NR1I2: variants seen among roughly 807,000 people sequenced by gnomAD.
The protein encoded by NR1I2 is nuclear receptor subfamily 1 group I member 2.
NR1I2 carries 42 observed loss-of-function variants against 43.3 expected under a neutral mutation model. The ratio of observed to expected loss-of-function variants is 0.97; its 90% CI spans 0.76 to 1.26. The LOEUF is 1.26. NR1I2 is among the 50% of genes most tolerant of loss of function. NR1I2 has a pLI of 0.00. For missense variants in NR1I2, 559 were observed against 566.7 expected (o/e 0.99, Z 0.14); for synonymous variants, 229 against 215.0 (o/e 1.06, Z -0.57).
In NR1I2 at chr3:119,807,275, T is replaced by C; in HGVS notation, c.25T>C (p.Trp9Arg). 1 of 1,614,232 alleles carries C rather than the reference T, an allele frequency of 6.2e-7. No individual in the cohort carries two copies. Among genetic ancestry groups the C allele is most frequent in the Non-Finnish European group, 8.5e-7 (1 of 1,180,032 alleles). ...CCTGGAGGTGAGACCCAAAGAAAGC[T>C]GGAACCATGCTGACTTTGTACACTG... The change falls in exon 2 of 9, where the codon TGG becomes CGG. Residue 9 changes from tryptophan to arginine, a missense_variant. By Grantham distance (101) the Trp-to-Arg change is moderately radical. Around this residue, in one of 3 missense-constraint regions of NR1I2, gnomAD observed 232 missense variants for 236.6 expected, o/e 0.98. Coordinates refer to ENST00000393716, the MANE Select transcript of NR1I2 (RefSeq NM_003889.4).
intron 1 of NR1I2, among the ~76,000 whole-genome samples, chr3:119,784,252 T>C (rs1446617089): frequency 3.9e-5 from 6 of 152,246 alleles, no homozygotes; most frequent in Non-Finnish European, 7.3e-5. Context: ...ATTTTTTCCA[T>C]TGAATTAGTG....
chr3:119,812,979 G>T lies in NR1I2; in HGVS notation c.794+19G>T. 1 of 1,610,254 alleles carries T rather than the reference G, an allele frequency of 6.2e-7. No individual in the cohort carries two copies. ...ACTTCAGGTAGGACATGGAGACTGG[G>T]TGGTTGGGTGTGGAAAAGAACTGGA... On this transcript the variant is annotated intron_variant, in intron 5 of 8. Transcript: ENST00000393716.
At chr3:119,815,206 G>A (rs1236995561) in intron 6 of NR1I2, 85 bp downstream of exon 6, 4 of 1,592,214 alleles carry the variant, frequency 2.5e-6, no homozygotes, top group Non-Finnish European at 3.4e-6. Flanking sequence ...GGATATGCAG[G>A]TTCTGGGATG....
intron 2 of NR1I2, among the ~76,000 whole-genome samples, chr3:119,809,541 GGGGGGTGGGGGGAAGGC>G (rs2055207109): frequency 6.7e-6 from 1 of 148,606 alleles, no homozygotes; most frequent in Non-Finnish European, 1.5e-5. Flanking sequence ...AGAAGGCGGC[GGGGGGTGGGGGGAAGGC>G]GGGGGGGAAG....
At chr3:119,807,110 A>C (rs974917707) in intron 1 of NR1I2, 119 bp from the exon 2 acceptor site, 2 of 852,802 alleles carry the variant, frequency 2.3e-6, no homozygotes, top group Non-Finnish European at 3.9e-6. Flanking sequence ...ATGAGAGGTC[A>C]GCTCCCGAGT....
intron 1 of NR1I2, among the ~76,000 whole-genome samples, chr3:119,801,149 T>G (rs974974736): frequency 6.6e-6 from 1 of 152,246 alleles, no homozygotes; most frequent in African/African-American, 2.4e-5. Context: ...ATTCATTGAT[T>G]TATTCACTCA....
intron 1 of NR1I2, among the ~76,000 whole-genome samples, chr3:119,803,457 A>G (rs992560844): frequency 3.3e-5 from 5 of 152,072 alleles, no homozygotes; most frequent in Non-Finnish European, 5.9e-5. Flanking sequence ...GCCATAGATG[A>G]CAGGAAGCAG....
Position 119,811,577 on chromosome 3 carries a change from T to G in NR1I2, c.370T>G (p.Leu124Val), listed in dbSNP as rs796992519. 1 of 1,613,698 alleles carries G rather than the reference T, an allele frequency of 6.2e-7. No homozygotes were observed. The highest frequency in any genetic ancestry group is 1.3e-5 in the African/African-American group (1 of 75,014). ...CGAGGCCGTGGAGGAGAGGCGGGCC[T>G]TGATCAAGCGGAAGAAAAGTGAACG... The change falls in exon 4 of 9, where the codon TTG (leucine) becomes GTG (valine). Residue 124 changes from leucine (L) to valine (V), a missense_variant. Transcript: ENST00000393716.
chr3:119,793,509 C>G (rs1481702592), intron 1 of NR1I2, among the ~76,000 whole-genome samples: 2 of 152,220 alleles, frequency 1.3e-5, no homozygotes, highest in East Asian at 1.9e-4. Context: ...TTCCTCACCT[C>G]TTCCAGCTTC....
chr3:119,809,960 G>T (rs1452747552), intron 2 of NR1I2, 101 bp from the exon 3 acceptor site: 5 of 1,473,396 alleles, frequency 3.4e-6, no homozygotes, highest in Non-Finnish European at 4.7e-6. Context: ...CCCCCTCCCC[G>T]AGTCGGTAGG....
chr3:119,792,675 G>T, intron 1 of NR1I2: 1 of 514,782 alleles, frequency 1.9e-6, no homozygotes, highest in Non-Finnish European at 3.5e-6. Flanking sequence ...GGCTTAAAGT[G>T]AAGGAAATAC....
At chr3:119,811,762 G>T (rs776341085) in intron 4 of NR1I2, 36 bp downstream of exon 4, 8 of 1,557,836 alleles carry the variant, frequency 5.1e-6, no homozygotes, top group Non-Finnish European at 8.7e-7. Context: ...AGGTGTCACT[G>T]CCATCTTCAT....
chr3:119,814,839 A>G, intron 5 of NR1I2, 140 bp from the exon 6 acceptor site: 2 of 1,036,364 alleles, frequency 1.9e-6, no homozygotes, highest in East Asian at 2.6e-5. Context: ...GCCAGACAGC[A>G]GCCACAGTCA....
intron 1 of NR1I2, among the ~76,000 whole-genome samples, chr3:119,801,944 G>A (rs1394035204): frequency 6.6e-6 from 1 of 152,188 alleles, no homozygotes; most frequent in Non-Finnish European, 1.5e-5. Context: ...ACTGAGCAGG[G>A]TAGCCAGACT....
At chr3:119,797,584 A>C (rs1577274748) in intron 1 of NR1I2, among the ~76,000 whole-genome samples, 1 of 152,150 alleles carries the variant, frequency 6.6e-6, no homozygotes, top group Admixed American at 6.5e-5. Flanking sequence ...CTATATATAT[A>C]CATATCTACA....
At chr3:119,802,687 C>T (rs1448101247) in intron 1 of NR1I2, among the ~76,000 whole-genome samples, 1 of 152,170 alleles carries the variant, frequency 6.6e-6, no homozygotes, top group Non-Finnish European at 1.5e-5. Context: ...CTCTGCCTGC[C>T]TGTGATGCTC....
Position 119,792,424 on chromosome 3 carries a change from T to G in NR1I2, c.-23+10124T>G, listed in dbSNP as rs766862902. 2.8e-5 allele frequency: 34 copies of G among 1,198,660 alleles called. No homozygotes were observed. In the South Asian group the frequency reaches 4.0e-4, roughly 14 times the overall value. The allele number at this position is 1,198,660 out of a possible 1,614,324, so 74.3% of individuals were successfully genotyped here. The stretch of plus-strand genomic sequence containing the variant: ...GAGAGGGCCAGAACTCACTGGCCAC[T>G]GCAGGGGACGGCCTGATGGAGCTGT... On this transcript the variant is annotated intron_variant, in intron 1 of 8. Coordinates refer to ENST00000393716, the MANE Select transcript of NR1I2 (RefSeq NM_003889.4).
Position 119,818,107 on chromosome 3 carries a change from A to G in NR1I2, c.*895A>G. The G allele has an allele frequency of 1.0e-6, 1 of 985,650 alleles. No individual in the cohort carries two copies. The highest frequency in any genetic ancestry group is 1.2e-6 in the Non-Finnish European group (1 of 830,006). The allele number at this position is 985,650 out of a possible 1,614,324, so 61.1% of individuals were successfully genotyped here. ...GACATGAGTCTGTAGGAGCAAGGGCACAAACTGCAGCTGTGAGTGCGTGTG... is the reference window on the plus strand; with the variant it reads ...GACATGAGTCTGTAGGAGCAAGGGCGCAAACTGCAGCTGTGAGTGCGTGTG... On this transcript the variant is annotated 3_prime_UTR_variant, in exon 9 of 9. Coordinates refer to ENST00000393716, the MANE Select transcript of NR1I2 (RefSeq NM_003889.4).
At chr3:119,805,717 C>CCCAA (rs561350711) in intron 1 of NR1I2, among the ~76,000 whole-genome samples, 54 of 96,660 alleles carry the variant, frequency 5.6e-4, no homozygotes, top group Non-Finnish European at 7.1e-4. Context: ...TCCCCCCCAC[C>CCCAA]AAAAAAAAAA....
Sources: allele counts gnomAD v4.1 joint callset (sites outside exome capture counted in the v4.1 genomes callset), GRCh38; gene constraint gnomAD v4.1.1; regional missense constraint gnomAD v4.1.1; transcripts MANE v1.5; gene names NCBI Gene and HGNC (gene_info 2026-07-23, HGNC 2026-07-21).